CALCR: variants seen among roughly 807,000 people sequenced by gnomAD.
The protein encoded by CALCR is calcitonin receptor.
In CALCR, 47 loss-of-function variants were observed where a neutral mutation model predicts 59.5. The observed-to-expected ratio is 0.79, with a 90% CI of 0.63 to 1.01. CALCR has a LOEUF of 1.01. Among genes scored for constraint, CALCR ranks in the 50% least tolerant of loss-of-function variants. The pLI is 0.00. For synonymous variants in CALCR, 213 were observed against 211.3 expected (o/e 1.01, Z -0.07); for missense variants, 566 against 597.1 (o/e 0.95, Z 0.54).
chr7:93,552,538 T>C (rs1754654909), intron 2 of CALCR, among the ~76,000 whole-genome samples: 1 of 152,188 alleles, frequency 6.6e-6, no homozygotes, highest in African/African-American at 2.4e-5. Flanking sequence ...GGCTATATTT[T>C]ATTCAGCACC....
chr7:93,445,209 C>A (rs541630738), intron 8 of CALCR, among the ~76,000 whole-genome samples: 1 of 152,060 alleles, frequency 6.6e-6, no homozygotes, highest in Admixed American at 6.6e-5. Flanking sequence ...CCCTCCCCGC[C>A]ATCTGATTAC....
intron 7 of CALCR, among the ~76,000 whole-genome samples, chr7:93,462,891 A>G (rs1800367403): frequency 6.6e-6 from 1 of 151,942 alleles, no homozygotes; most frequent in Non-Finnish European, 1.5e-5. Flanking sequence ...GTATATATTT[A>G]TTTATTGCCT....
chr7:93,545,565 T>A (rs79402850), intron 2 of CALCR, among the ~76,000 whole-genome samples: 2,254 of 152,280 alleles, frequency 0.015, 67 homozygotes, highest in African/African-American at 0.05. Flanking sequence ...GGGCAGCTGA[T>A]GCTAGGCTAG....
rs142400360 is a variant in CALCR at position 93,467,456 on chromosome 7, G to T, written c.521+1259C>A. Reference sequence around the variant, plus strand: ...ATGATGAAGGAAAAAAATAGTACTTGTACTAAGGATGTATTTACAGGTGAT... The same window carrying T: ...ATGATGAAGGAAAAAAATAGTACTTTTACTAAGGATGTATTTACAGGTGAT... On this transcript the variant is annotated intron_variant, in intron 7 of 13. Transcript: ENST00000426151. Among the ~76,000 whole-genome samples the T allele has an allele frequency of 3.5e-3, 531 of 151,714 alleles. 1 individual carries two copies. Among genetic ancestry groups the T allele is most frequent in the Middle Eastern group, 0.017 (5 of 294 alleles).
At chr7:93,478,433 G>A (rs1334274500) in intron 4 of CALCR, among the ~76,000 whole-genome samples, 8 of 151,724 alleles carry the variant, frequency 5.3e-5, no homozygotes, top group Admixed American at 1.3e-4. Context: ...CAGATGCAGT[G>A]TCTCACGCCT....
intron 2 of CALCR, among the ~76,000 whole-genome samples, chr7:93,516,707 T>C (rs117493696): frequency 0.017 from 2,655 of 151,932 alleles, 27 homozygotes; most frequent in Middle Eastern, 0.034. Context: ...TCTCTAATTA[T>C]AAGATGATGG....
intron 2 of CALCR, among the ~76,000 whole-genome samples, chr7:93,544,436 G>T (rs1789229792): frequency 6.6e-6 from 1 of 151,776 alleles, no homozygotes; most frequent in African/African-American, 2.4e-5. Context: ...CTTGGTATTT[G>T]CTTTCTATTT....
chr7:93,543,894 T>C (rs972291035), intron 2 of CALCR, among the ~76,000 whole-genome samples: 1 of 152,160 alleles, frequency 6.6e-6, no homozygotes, highest in Non-Finnish European at 1.5e-5. Context: ...TCAGTAATTA[T>C]TACAATTAGT....
intron 6 of CALCR, among the ~76,000 whole-genome samples, chr7:93,469,894 G>C (rs1187623804): frequency 6.6e-6 from 1 of 151,700 alleles, no homozygotes; most frequent in African/African-American, 2.4e-5. Context: ...ATATATCCTT[G>C]AACATTTTGA....
chr7:93,520,936 T>G (rs1017140210), intron 2 of CALCR, among the ~76,000 whole-genome samples: 1 of 152,064 alleles, frequency 6.6e-6, no homozygotes, highest in African/African-American at 2.4e-5. Flanking sequence ...TACATGCAAT[T>G]CGAGAAAGGT....
chr7:93,542,816 A>C (rs1050456629), intron 2 of CALCR, among the ~76,000 whole-genome samples: 2 of 152,158 alleles, frequency 1.3e-5, no homozygotes, highest in South Asian at 2.1e-4. Flanking sequence ...GATCATCAAT[A>C]CACTGTTTTC....
Position 93,472,442 on chromosome 7 carries a change from T to C in CALCR, c.362A>G (p.His121Arg). 6.2e-7 allele frequency: 1 copy of C among 1,610,560 alleles called. No homozygotes were observed. The highest frequency in any genetic ancestry group is 1.1e-5 in the South Asian group (1 of 90,946). The change falls in exon 6 of 14, where the codon CAT (histidine) becomes CGT (arginine). Residue 121 changes from histidine to arginine, a missense_variant. Coordinates refer to ENST00000426151, the MANE Select transcript of CALCR (RefSeq NM_001742.4). ...GGACCAGGTTCGATTGTTTTCAGGA[T>C]GTTTAAACCAAACACCTTTTTCATC... ...YCDEKGVWFK[H>R]PENNRTWSNY...
In CALCR at chr7:93,487,009, T is replaced by C. The variant is rs769294884; in HGVS notation, c.-26-2A>G. The stretch of plus-strand genomic sequence containing the variant: ...TTGATTTTTGAAGATCTCTTTGTCC[T>C]AGAAAAATATAAAAGCAACAAAGAC... On this transcript the variant is annotated splice_acceptor_variant, in intron 2 of 13. Transcript: ENST00000426151. LOFTEE classifies it low-confidence loss of function (5UTR_SPLICE). The C allele has an allele frequency of 4.0e-6, 6 of 1,505,092 alleles. No individual in the cohort carries two copies. Among genetic ancestry groups the C allele is most frequent in the Non-Finnish European group, 5.5e-6 (6 of 1,087,848 alleles). 93.2% of individuals were successfully genotyped at this position (1,505,092 alleles called of 1,614,324 possible).
chr7:93,485,756 C>T (rs1800929125), intron 3 of CALCR, among the ~76,000 whole-genome samples: 1 of 151,364 alleles, frequency 6.6e-6, no homozygotes, highest in Non-Finnish European at 1.5e-5. Flanking sequence ...TTTCCAAATA[C>T]TAATTACTTT....
chr7:93,506,027 G>T (rs549485186), intron 2 of CALCR, among the ~76,000 whole-genome samples: 57 of 152,240 alleles, frequency 3.7e-4, no homozygotes, highest in African/African-American at 1.3e-3. Context: ...CTAAAATCCG[G>T]TGTACTCCAC....
intron 2 of CALCR, among the ~76,000 whole-genome samples, chr7:93,488,585 A>AAAACAAAG (rs2115940199): frequency 6.8e-6 from 1 of 146,854 alleles, no homozygotes; most frequent in East Asian, 2.0e-4. Context: ...ATGGAAAGAA[A>AAAACAAAG]AAAAAAAAAA....
At chr7:93,525,770 G>T (rs1801865080) in intron 2 of CALCR, among the ~76,000 whole-genome samples, 1 of 152,048 alleles carries the variant, frequency 6.6e-6, no homozygotes, top group South Asian at 2.1e-4. Context: ...TTCAATAATG[G>T]CTTCAAATAT....
At chr7:93,456,161 G>A (rs1800204897) in intron 8 of CALCR, among the ~76,000 whole-genome samples, 1 of 152,108 alleles carries the variant, frequency 6.6e-6, no homozygotes, top group African/African-American at 2.4e-5. Context: ...CATGAATTAA[G>A]TTTTGTCATT....
chr7:93,508,031 C>G (rs1012355634), intron 2 of CALCR, among the ~76,000 whole-genome samples: 2 of 152,086 alleles, frequency 1.3e-5, no homozygotes, highest in African/African-American at 4.8e-5. Context: ...TTCCTGAAAC[C>G]TAGAATTTCT....
Sources: allele counts gnomAD v4.1 joint callset (sites outside exome capture counted in the v4.1 genomes callset), GRCh38; gene constraint gnomAD v4.1.1; transcripts MANE v1.5; gene names NCBI Gene and HGNC (gene_info 2026-07-23, HGNC 2026-07-21).